Variants in SHB observed in about 807,000 individuals in gnomAD.
SHB encodes the protein SH2 domain-containing adapter protein B.
A neutral mutation model predicts 52.3 loss-of-function variants in SHB; 20 were observed. The ratio of observed to expected loss-of-function variants is 0.38; its 90% confidence interval spans 0.27 to 0.56. SHB has a LOEUF of 0.56. SHB is among the 20% of genes least tolerant of loss of function. The pLI is 0.71. For missense variants in SHB, 825 were observed against 723.3 expected, an observed-to-expected ratio of 1.14 and a Z score of -1.61; for synonymous variants, 397 against 316.5, an observed-to-expected ratio of 1.25 and a Z score of -2.70.
chr9:38,022,857 G>A (rs554950081), intron 1 of SHB, among the ~76,000 whole-genome samples: 14 of 152,356 alleles, frequency 9.2e-5, no homozygotes, highest in African/African-American at 1.4e-4. Context: ...AAAGGAACAC[G>A]CTGCCTGGGA....
At chr9:37,924,378 T>A (rs955176209) in intron 5 of SHB, among the ~76,000 whole-genome samples, 1 of 152,230 alleles carries the variant, frequency 6.6e-6, no homozygotes, top group African/African-American at 2.4e-5. Context: ...TTAGACCTAA[T>A]TGCTTGATGC....
At chr9:37,931,011 G>T (rs1407472556) in intron 5 of SHB, among the ~76,000 whole-genome samples, 1 of 152,020 alleles carries the variant, frequency 6.6e-6, no homozygotes, top group African/African-American at 2.4e-5. Flanking sequence ...AAGACACAAT[G>T]GAGAAAAGAT....
chr9:38,063,602 C>T (rs1821920939), intron 1 of SHB, among the ~76,000 whole-genome samples: 1 of 152,224 alleles, frequency 6.6e-6, no homozygotes, highest in African/African-American at 2.4e-5. Context: ...CCCTCCCAAC[C>T]CTGTGCACAC....
intron 1 of SHB, among the ~76,000 whole-genome samples, chr9:38,032,494 C>T (rs769583724): frequency 2.6e-5 from 4 of 152,216 alleles, no homozygotes; most frequent in African/African-American, 7.2e-5. Flanking sequence ...GGCTCAGTTG[C>T]GCCAACCGTG....
At chr9:38,062,738 C>T (rs1821910205) in intron 1 of SHB, among the ~76,000 whole-genome samples, 1 of 152,206 alleles carries the variant, frequency 6.6e-6, no homozygotes, top group Admixed American at 6.5e-5. Flanking sequence ...TATGCAGGCT[C>T]TTGGCTATAA....
intron 2 of SHB, among the ~76,000 whole-genome samples, chr9:37,975,250 C>T (rs1438016318): frequency 6.6e-6 from 1 of 152,198 alleles, no homozygotes; most frequent in Non-Finnish European, 1.5e-5. Flanking sequence ...TTTCAGTCCT[C>T]ATCTGTACAA....
At chr9:38,038,083 C>T (rs1821511770) in intron 1 of SHB, among the ~76,000 whole-genome samples, 1 of 152,192 alleles carries the variant, frequency 6.6e-6, no homozygotes, top group Non-Finnish European at 1.5e-5. Flanking sequence ...CAGAATCTTC[C>T]CCTAACCCTG....
intron 5 of SHB, among the ~76,000 whole-genome samples, chr9:37,931,863 T>G (rs1832314486): frequency 6.6e-6 from 1 of 152,156 alleles, no homozygotes; most frequent in Non-Finnish European, 1.5e-5. Flanking sequence ...GATGAATGGA[T>G]AAAGAAACTG....
chr9:37,982,119 G>T, intron 2 of SHB, among the ~76,000 whole-genome samples: 1 of 151,464 alleles, frequency 6.6e-6, no homozygotes, highest in Non-Finnish European at 1.5e-5. Flanking sequence ...TGCAATACCT[G>T]CAAACCACAA....
intron 4 of SHB, 130 bp downstream of exon 4, chr9:37,955,753 G>A (rs941556007): frequency 5.9e-6 from 5 of 841,752 alleles, no homozygotes; most frequent in Non-Finnish European, 9.3e-6. Context: ...CTCCCAAAGT[G>A]CTGGGATTAC....
intron 3 of SHB, among the ~76,000 whole-genome samples, chr9:37,968,401 C>T (rs1820554924): frequency 6.6e-6 from 1 of 152,192 alleles, no homozygotes; most frequent in Admixed American, 6.5e-5. Context: ...TCCCATTGCC[C>T]CATGGGTCCC....
rs745641056 is a variant in SHB at position 37,974,773 on chromosome 9, G to A, written c.903C>T (p.Tyr301=). 17 of 1,614,038 alleles carry A rather than the reference G, an allele frequency of 1.1e-5. No individual in the cohort carries two copies. The highest frequency in any genetic ancestry group is 2.2e-5 in the East Asian group (1 of 44,896). ...HKGIQLYDTP[Y]EPEGQSVDSD... ...AGTCAACACTTTGGCCTTCAGGTTC[G>A]TAAGGGGTGTCATATAACTGGATAC... The change falls in exon 3 of 6, where the codon TAC becomes TAT. Residue 301 remains tyrosine, a synonymous_variant. Coordinates refer to ENST00000377707, the MANE Select transcript of SHB (RefSeq NM_003028.3).
chr9:37,947,233 C>A (rs927937030), intron 5 of SHB, among the ~76,000 whole-genome samples: 2 of 152,204 alleles, frequency 1.3e-5, no homozygotes, highest in African/African-American at 2.4e-5. Flanking sequence ...GAGTGCCCTA[C>A]CCGCTAGGCT....
intron 5 of SHB, among the ~76,000 whole-genome samples, chr9:37,942,140 C>T (rs1198879458): frequency 6.6e-6 from 1 of 152,240 alleles, no homozygotes; most frequent in Non-Finnish European, 1.5e-5. Flanking sequence ...CTCAGCTCTT[C>T]TTGGCCCTGT....
chr9:38,031,265 G>A (rs1431210674), intron 1 of SHB, among the ~76,000 whole-genome samples: 3 of 152,170 alleles, frequency 2.0e-5, no homozygotes, highest in African/African-American at 4.8e-5. Context: ...AGGTTGCAGT[G>A]AGCCGAGATC....
chr9:37,941,710 T>A (rs546284001), intron 5 of SHB, among the ~76,000 whole-genome samples: 2 of 152,334 alleles, frequency 1.3e-5, no homozygotes, highest in South Asian at 4.1e-4. Flanking sequence ...TGTCAGGTAT[T>A]CAGGTATGCT....
intron 1 of SHB, among the ~76,000 whole-genome samples, chr9:38,049,635 C>CA (rs147034881): frequency 0.033 from 2,287 of 68,408 alleles, 29 homozygotes; most frequent in African/African-American, 0.067. Flanking sequence ...AAAAACAAAG[C>CA]AAAAAAAAAA....
At chr9:37,998,409 T>G (rs1820975406) in intron 2 of SHB, among the ~76,000 whole-genome samples, 1 of 152,182 alleles carries the variant, frequency 6.6e-6, no homozygotes, top group Non-Finnish European at 1.5e-5. Context: ...CATCGCCTGT[T>G]TTCAAATCCA....
intron 2 of SHB, among the ~76,000 whole-genome samples, chr9:37,989,106 C>CT (rs377643985): frequency 2.2e-3 from 336 of 152,178 alleles, no homozygotes; most frequent in African/African-American, 7.5e-3. Context: ...CTCACACACA[C>CT]ATTTTATTGG....
Sources: allele counts gnomAD v4.1 joint callset (sites outside exome capture counted in the v4.1 genomes callset), GRCh38; gene constraint gnomAD v4.1.1; transcripts MANE v1.5; gene names NCBI Gene and HGNC (gene_info 2026-07-23, HGNC 2026-07-21).